The following DNAH8 variants were observed in gnomAD, a reference collection of about 807,000 sequenced individuals.
DNAH8 encodes the protein dynein axonemal heavy chain 8.
In DNAH8, 382 loss-of-function variants were observed where a neutral mutation model predicts 562.1. That is an observed-to-expected ratio of 0.68 (90% CI 0.63 to 0.74). The LOEUF (loss-of-function observed/expected upper bound fraction) is 0.74. Among genes scored for constraint, DNAH8 ranks in the 30% least tolerant of loss-of-function variants. The probability of loss-of-function intolerance (pLI) is 0.00; values close to 1 mark genes in which losing one functional copy is unlikely to be tolerated. For synonymous variants in DNAH8, 1,881 were observed against 1,919.4 expected, an observed-to-expected ratio of 0.98 and a Z score of 0.52; for missense variants, 5,203 against 5,620.4, an observed-to-expected ratio of 0.93 and a Z score of 2.37.
intron 56 of DNAH8, among the ~76,000 whole-genome samples, chr6:38,885,941 C>T (rs1039445357): frequency 6.6e-6 from 1 of 152,292 alleles, no homozygotes; most frequent in South Asian, 2.1e-4. Flanking sequence ...TTTGTCTATG[C>T]TACAAGAGAG....
At chr6:38,889,546 T>C (rs897740477) in intron 57 of DNAH8, among the ~76,000 whole-genome samples, 1 of 152,188 alleles carries the variant, frequency 6.6e-6, no homozygotes, top group Non-Finnish European at 1.5e-5. Context: ...CTCTTCAGTA[T>C]GACTGACACA....
At chr6:38,973,466 C>A (rs1436209405) in intron 83 of DNAH8, among the ~76,000 whole-genome samples, 195 bp from the exon 84 acceptor site, 1 of 152,142 alleles carries the variant, frequency 6.6e-6, no homozygotes, top group African/African-American at 2.4e-5. Flanking sequence ...TTTGAACCCA[C>A]TTGATTCTAA....
intron 36 of DNAH8, among the ~76,000 whole-genome samples, chr6:38,847,349 A>G (rs566404387): frequency 1.9e-4 from 28 of 151,060 alleles, no homozygotes; most frequent in African/African-American, 6.1e-4. Context: ...ATTTTGGCCT[A>G]TCTAGTTGCT....
chr6:38,917,946 C>T lies in DNAH8; in HGVS notation c.10330C>T (p.Leu3444=), dbSNP rs748343788. 20 of 1,613,104 alleles carry T rather than the reference C, an allele frequency of 1.2e-5. No individual in the cohort carries two copies. In the Middle Eastern group the frequency reaches 8.6e-4, roughly 69 times the overall value. ...SLKLMSATGF[L]WSLQQFPKDT... is the part of the protein sequence containing the mutation. ...TCAGTTGATGAGTGCAACAGGATTC[C>T]TGTGGAGCCTTCAGCAGTTCCCTAA... Residue 3444 remains leucine (L), a synonymous_variant, in exon 70 of 93, where the codon CTG becomes TTG. Coordinates refer to ENST00000327475, the MANE Select transcript of DNAH8 (RefSeq NM_001206927.2).
chr6:38,995,622 G>A (rs188471240), intron 88 of DNAH8, among the ~76,000 whole-genome samples: 81 of 152,254 alleles, frequency 5.3e-4, no homozygotes, highest in Non-Finnish European at 8.4e-4. Flanking sequence ...CTAGGTTTTC[G>A]TATTTATTTT....
Position 39,030,390 on chromosome 6 carries a change from T to C in DNAH8, c.14122T>C (p.Ter4708GlnextTer13), listed in dbSNP as rs935262021. ...AGTGGCCCTTTTGTGTGACATCAAG[T>C]AAGTTCATTTCCATCTGCTCAGGGC... ...RGVALLCDIK[*>Q] The change falls in exon 93 of 93, where the codon TAA (stop) becomes CAA (glutamine). Residue 4708 changes from the stop codon to glutamine (Q), a stop_lost. Transcript: ENST00000327475. The C allele has an allele frequency of 1.2e-6, 2 of 1,612,976 alleles. No individual in the cohort carries two copies. Among genetic ancestry groups the C allele is most frequent in the Non-Finnish European group, 1.7e-6 (2 of 1,179,332 alleles).
intron 53 of DNAH8, among the ~76,000 whole-genome samples, chr6:38,876,138 A>T (rs1777975971): frequency 6.6e-6 from 1 of 152,136 alleles, no homozygotes; most frequent in Non-Finnish European, 1.5e-5. Flanking sequence ...AGCGTGGAGA[A>T]CACAGATTCT....
rs1001423673 is a variant in DNAH8, at chr6:38,883,883, T to A, written c.8144T>A (p.Ile2715Asn). ...ACGTTTCCTTCTCTCTAGAGAACAATTGAAAGCTACGTGGATAAGCGAATT... is the reference window on the plus strand; with the variant it reads ...ACGTTTCCTTCTCTCTAGAGAACAAATGAAAGCTACGTGGATAAGCGAATT... ...ATEPMMFQRT[I>N]ESYVDKRIGS... Residue 2715 changes from isoleucine (I) to asparagine (N), a missense_variant, in exon 56 of 93, where the codon ATT becomes AAT. Physicochemically the swap from Ile to Asn is moderately radical, Grantham distance 149. Around this residue, in one of 6 missense-constraint regions of DNAH8, gnomAD observed 977 missense variants for 1,061.8 expected, o/e 0.92. Coordinates refer to ENST00000327475, the MANE Select transcript of DNAH8 (RefSeq NM_001206927.2). 28 of 1,580,646 alleles carry A rather than the reference T, an allele frequency of 1.8e-5. No individual in the cohort carries two copies. Among genetic ancestry groups the A allele is most frequent in the Non-Finnish European group, 2.3e-5 (27 of 1,162,322 alleles).
intron 91 of DNAH8, among the ~76,000 whole-genome samples, chr6:39,025,858 TA>T: frequency 1.9e-5 from 2 of 103,168 alleles, no homozygotes; most frequent in East Asian, 2.9e-4. Context: ...AAGTTTAGGA[TA>T]TTTTTTTCTA....
chr6:38,854,116 G>A (rs749022050), intron 41 of DNAH8, among the ~76,000 whole-genome samples: 10 of 151,998 alleles, frequency 6.6e-5, no homozygotes, highest in Admixed American at 5.3e-4. Context: ...AAGGGAATGA[G>A]CATACCTTTT....
rs1562520614 is a variant in DNAH8, at chr6:38,715,941, TATATATATATATA to T, written c.-35+527_-35+539del. Reference sequence around the variant, plus strand: ...AAATAAATAAATATATATATATATATATATATATATATATATATATTTTTTTTTTTTTTTTGAG... The same window carrying T: ...AAATAAATAAATATATATATATATATTATATATTTTTTTTTTTTTTTTGAG... On this transcript the variant is annotated intron_variant, in intron 1 of 92. Transcript: ENST00000327475. Among the ~76,000 whole-genome samples the T allele has an allele frequency of 1.1e-3, 18 of 16,990 alleles. 1 individual carries two copies. Among genetic ancestry groups the T allele is most frequent in the East Asian group, 8.0e-3 (8 of 996 alleles). The allele number at this position is 16,990 out of a possible 152,430, so 11.1% of individuals were successfully genotyped here.
chr6:38,825,846 A>G (rs919069919), intron 28 of DNAH8, among the ~76,000 whole-genome samples: 1 of 152,178 alleles, frequency 6.6e-6, no homozygotes, highest in South Asian at 2.1e-4. Flanking sequence ...GAGGGCCGCT[A>G]ATGGGATGGT....
At position 38,873,085 on chromosome 6, in the gene DNAH8, G is replaced by A. The variant is rs760138551; in HGVS notation, c.7417G>A (p.Val2473Ile). Residue 2473 changes from valine to isoleucine, a missense_variant, in exon 51 of 93, where the codon GTT (valine) becomes ATT (isoleucine). By Grantham distance (29) the Val-to-Ile change is conservative. Around this residue, in one of 6 missense-constraint regions of DNAH8, gnomAD observed 977 missense variants for 1,061.8 expected, o/e 0.92. Coordinates refer to ENST00000327475, the MANE Select transcript of DNAH8 (RefSeq NM_001206927.2). ...HNIENASPATVSRMGMVYISS... is the reference protein window; with the variant it reads ...HNIENASPATISRMGMVYISS... ...TATCGAGAACGCCTCTCCTGCCACG[G>A]TTTCTAGGATGGGCATGGTCTATAT... is the stretch of plus-strand genomic sequence containing the variant. The A allele has an allele frequency of 4.3e-6, 7 of 1,614,018 alleles. No individual in the cohort carries two copies. Among genetic ancestry groups the A allele is most frequent in the Middle Eastern group, 1.6e-4 (1 of 6,062 alleles).
At position 38,761,685 on chromosome 6, in the gene DNAH8, A is replaced by G. The variant is rs1203896102; in HGVS notation, c.1516-17A>G. The G allele has an allele frequency of 7.8e-6, 10 of 1,281,816 alleles. No homozygotes were observed. The highest frequency in any genetic ancestry group is 1.1e-5 in the Non-Finnish European group (10 of 924,720). 79.4% of individuals were successfully genotyped at this position (1,281,816 alleles called of 1,614,324 possible). ...CTCTTTTTACATATAATTATTTTGT[A>G]CCTATATTTATTTCAGGTAACAAAT... On this transcript the variant is annotated splice_polypyrimidine_tract_variant and intron_variant, in intron 10 of 92. Transcript: ENST00000327475.
chr6:38,927,581 T>C (rs1291847339), intron 74 of DNAH8, among the ~76,000 whole-genome samples: 1 of 152,176 alleles, frequency 6.6e-6, no homozygotes, highest in Non-Finnish European at 1.5e-5. Flanking sequence ...AGAACACTTC[T>C]GTTCTTAGTT....
intron 59 of DNAH8, 24 bp from the exon 60 acceptor site, chr6:38,896,009 C>G (rs1434387053): frequency 6.3e-6 from 10 of 1,591,576 alleles, no homozygotes; most frequent in South Asian, 1.1e-5. Flanking sequence ...ATTTAACATT[C>G]TTACTACTAC....
intron 59 of DNAH8, 118 bp from the exon 60 acceptor site, chr6:38,895,915 G>A: frequency 2.6e-6 from 2 of 777,206 alleles, no homozygotes; most frequent in Non-Finnish European, 4.1e-6. Context: ...AGAACATATT[G>A]TTTCCCTGTC....
intron 45 of DNAH8, among the ~76,000 whole-genome samples, chr6:38,864,999 A>G (rs1776930753): frequency 6.6e-6 from 1 of 152,252 alleles, no homozygotes; most frequent in African/African-American, 2.4e-5. Context: ...ACAAGGTCCT[A>G]TACGAAAGAA....
chr6:38,842,681 A>C lies in DNAH8; in HGVS notation c.4623A>C (p.Lys1541Asn). Reference protein sequence around the residue: ...EFQNRCRKLPKGLKDWQAFLD... With the variant: ...EFQNRCRKLPNGLKDWQAFLD... ...CTGAAAGATGTCGTAAACTTCCAAA[A>C]GGACTTAAAGATTGGCAAGCTTTTT... The change falls in exon 35 of 93, where the codon AAA becomes AAC. Residue 1541 changes from lysine to asparagine, a missense_variant. Physicochemically the swap from Lys to Asn is moderately conservative, Grantham distance 94. This residue lies in a region of DNAH8 where 2,176 missense variants were observed against 2,365.1 expected (regional missense o/e 0.92). Coordinates refer to ENST00000327475, the MANE Select transcript of DNAH8 (RefSeq NM_001206927.2). 6.2e-7 allele frequency: 1 copy of C among 1,612,050 alleles called. No individual in the cohort carries two copies. The highest frequency in any genetic ancestry group is 8.5e-7 in the Non-Finnish European group (1 of 1,179,496).
Sources: gnomAD v4.1 joint callset for allele counts (sites outside exome capture counted in the v4.1 genomes callset) on GRCh38, gnomAD v4.1.1 for gene constraint, gnomAD v4.1.1 regional missense constraint, MANE v1.5 for transcripts, NCBI Gene and HGNC (gene_info 2026-07-23, HGNC 2026-07-21) for gene names.